The following TAFA5 variants were observed in gnomAD, a reference collection of about 807,000 sequenced individuals.
TAFA5 encodes chemokine-like protein TAFA-5.
Under a neutral mutation model 15.3 loss-of-function variants are expected in TAFA5, and 6 were observed. The observed-to-expected ratio is 0.39, with a 90% CI of 0.21 to 0.77. The LOEUF is 0.77. TAFA5 is among the 30% of genes least tolerant of loss of function. The pLI is 0.41. For synonymous variants in TAFA5, 103 were observed against 80.7 expected (o/e 1.28, Z -1.48); for missense variants, 161 against 193.1 (o/e 0.83, Z 0.98).
intron 2 of TAFA5, among the ~76,000 whole-genome samples, chr22:48,699,713 G>A (rs1276618825): frequency 6.6e-6 from 1 of 152,218 alleles, no homozygotes; most frequent in Non-Finnish European, 1.5e-5. Context: ...GTGAAGACAA[G>A]CTTTGCCTTG....
chr22:48,674,848 G>A (rs559667322), intron 2 of TAFA5, among the ~76,000 whole-genome samples: 15 of 152,248 alleles, frequency 9.9e-5, no homozygotes, highest in East Asian at 3.9e-4. Context: ...CTATTCTTTC[G>A]GTGTTGCTGT....
At chr22:48,506,090 C>A (rs1485505333) in intron 1 of TAFA5, among the ~76,000 whole-genome samples, 1 of 152,114 alleles carries the variant, frequency 6.6e-6, no homozygotes, top group Non-Finnish European at 1.5e-5. Context: ...CCCTGCACAC[C>A]CCACGGGGCT....
chr22:48,573,615 G>A (rs991469673), intron 1 of TAFA5, among the ~76,000 whole-genome samples: 1 of 152,202 alleles, frequency 6.6e-6, no homozygotes, highest in Non-Finnish European at 1.5e-5. Flanking sequence ...TTTACTAACA[G>A]GAAGCCTTGG....
At chr22:48,725,250 C>A (rs59983419) in intron 3 of TAFA5, among the ~76,000 whole-genome samples, 33,069 of 152,170 alleles carry the variant, frequency 0.22, 3,835 homozygotes, top group Admixed American at 0.32. Flanking sequence ...CCGCCATGCC[C>A]CATGGCTCAT....
At chr22:48,605,147 A>ATAATGATGG (rs1925113009) in intron 1 of TAFA5, among the ~76,000 whole-genome samples, 1 of 49,282 alleles carries the variant, frequency 2.0e-5, no homozygotes, top group Non-Finnish European at 4.2e-5. Flanking sequence ...GATGGTGATG[A>ATAATGATGG]TGGTTATGGT....
chr22:48,553,383 G>A (rs1263981122), intron 1 of TAFA5, among the ~76,000 whole-genome samples: 1 of 152,190 alleles, frequency 6.6e-6, no homozygotes. Context: ...CCTGACCAAG[G>A]ACAGATTGCC....
chr22:48,683,542 G>C (rs1438203687), intron 2 of TAFA5, among the ~76,000 whole-genome samples: 2 of 152,218 alleles, frequency 1.3e-5, no homozygotes, highest in Non-Finnish European at 2.9e-5. Context: ...CCAGAGCCAG[G>C]TCGTTGGGCC....
rs1195483056 is a variant in TAFA5, at chr22:48,749,836, C to G, written c.391-3C>G. On this transcript the variant is annotated splice_region_variant and splice_polypyrimidine_tract_variant and intron_variant, in intron 3 of 3. Transcript: ENST00000402357. ...TCACCCTCTCTCTCTCTTTGCTCCT[C>G]AGGTCTCCTGACAAACACAGCCCCT... 6.4e-7 allele frequency: 1 copy of G among 1,561,230 alleles called. No homozygotes were observed. Among genetic ancestry groups the G allele is most frequent in the Non-Finnish European group, 8.7e-7 (1 of 1,151,974 alleles).
At chr22:48,749,742 G>C (rs919943991) in intron 3 of TAFA5, 97 bp from the exon 4 acceptor site, 17 of 1,425,954 alleles carry the variant, frequency 1.2e-5, no homozygotes, top group Admixed American at 2.0e-5. Context: ...CAGGAGGCCG[G>C]CTGGCAGGAG....
chr22:48,698,512 A>G (rs920241824), intron 2 of TAFA5, among the ~76,000 whole-genome samples: 5 of 151,368 alleles, frequency 3.3e-5, no homozygotes, highest in African/African-American at 9.7e-5. Flanking sequence ...CTGAGCTGGG[A>G]GAGAGGAAGC....
In TAFA5 at chr22:48,640,617, T is replaced by A. The variant is rs145083380; in HGVS notation, c.113-5980T>A. ...CCCCGGGGCCATTTCTTGCAGAGGC[T>A]GGGCGGGGGCTCCTAAGTGTGCAAG... On this transcript the variant is annotated intron_variant, in intron 1 of 3. Coordinates refer to ENST00000402357, the MANE Select transcript of TAFA5 (RefSeq NM_001082967.3). Among the ~76,000 whole-genome samples, 1,348 of 152,148 alleles carry A rather than the reference T, an allele frequency of 8.9e-3. 19 individuals are homozygous for A. The highest frequency in any genetic ancestry group is 0.031 in the African/African-American group (1,287 of 41,534).
rs1177106439 is a variant in TAFA5, at chr22:48,552,407, G to T, written c.112+62703G>T. ...CGTTTAGGAAACAAATCCCTCTGCT[G>T]ATGTAGCTGCTGGCTGACTCTGTCA... On this transcript the variant is annotated intron_variant, in intron 1 of 3. Transcript: ENST00000402357. This position sits in a 1 kb window ranked among gnomAD's most constrained non-coding sequence, Gnocchi z 4.1. Among the ~76,000 whole-genome samples the T allele has an allele frequency of 6.6e-6, 1 of 152,120 alleles. No individual in the cohort carries two copies. The highest frequency in any genetic ancestry group is 1.5e-5 in the Non-Finnish European group (1 of 68,000).
At chr22:48,708,695 G>A (rs923177577) in intron 3 of TAFA5, among the ~76,000 whole-genome samples, 7 of 152,220 alleles carry the variant, frequency 4.6e-5, no homozygotes, top group African/African-American at 1.2e-4. Flanking sequence ...GTGGGTGAGC[G>A]TTTCCCTAAC....
chr22:48,697,982 G>A (rs56317611), intron 2 of TAFA5, among the ~76,000 whole-genome samples: 58,474 of 150,364 alleles, frequency 0.39, 12,344 homozygotes, highest in East Asian at 0.56. Flanking sequence ...CCTGTTGATA[G>A]GATGGTGAGG....
At position 48,539,739 on chromosome 22, in the gene TAFA5, G is replaced by A. The variant is rs143267414; in HGVS notation, c.112+50035G>A. On this transcript the variant is annotated intron_variant, in intron 1 of 3. Coordinates refer to ENST00000402357, the MANE Select transcript of TAFA5 (RefSeq NM_001082967.3). ...TCCAGGGCCTGTCAGAGAATTTCAG[G>A]AGAGGGCTTAATAGCCGCAGGAAGG... is the stretch of plus-strand genomic sequence containing the variant. Among the ~76,000 whole-genome samples, 173 of 152,310 alleles carry A rather than the reference G, an allele frequency of 1.1e-3. 3 individuals are homozygous for A. Among genetic ancestry groups the A allele is most frequent in the African/African-American group, 4.0e-3 (167 of 41,568 alleles).
chr22:48,528,307 A>G (rs1355164590), intron 1 of TAFA5, among the ~76,000 whole-genome samples: 1 of 152,150 alleles, frequency 6.6e-6, no homozygotes. Context: ...GCCTTGGGGC[A>G]TGAGTCGGTG....
At chr22:48,605,872 C>T (rs1386724662) in intron 1 of TAFA5, among the ~76,000 whole-genome samples, 2 of 152,172 alleles carry the variant, frequency 1.3e-5, no homozygotes, top group African/African-American at 2.4e-5. Context: ...GGAGTGTAAG[C>T]GTCCATGAGG....
intron 3 of TAFA5, among the ~76,000 whole-genome samples, chr22:48,734,603 G>A (rs1239691839): frequency 6.6e-6 from 1 of 152,236 alleles, no homozygotes; most frequent in Non-Finnish European, 1.5e-5. Context: ...CCACCACTGT[G>A]ACCTGCCTCA....
At chr22:48,589,165 T>C (rs1353865118) in intron 1 of TAFA5, among the ~76,000 whole-genome samples, 1 of 152,246 alleles carries the variant, frequency 6.6e-6, no homozygotes, top group African/African-American at 2.4e-5. Flanking sequence ...ACAACCTTGA[T>C]AGACATGCTG....
Sources: gnomAD v4.1 joint callset for allele counts (sites outside exome capture counted in the v4.1 genomes callset) on GRCh38, gnomAD v4.1.1 for gene constraint, Gnocchi (gnomAD v3.1) non-coding constraint, MANE v1.5 for transcripts, NCBI Gene and HGNC (gene_info 2026-07-23, HGNC 2026-07-21) for gene names.